The following ZNF507 variants were observed in gnomAD, a reference collection of about 807,000 sequenced individuals.
ZNF507 encodes the protein zinc finger protein 507.
In ZNF507, 29 loss-of-function variants were observed where a neutral mutation model predicts 80.0. The ratio of observed to expected loss-of-function variants is 0.36; its 90% CI spans 0.27 to 0.49. ZNF507 has a LOEUF of 0.49. ZNF507 is among the 20% of genes least tolerant of loss of function. The probability of loss-of-function intolerance (pLI) is 0.98; values close to 1 mark genes in which losing one functional copy is unlikely to be tolerated. For missense variants in ZNF507, 1,081 were observed against 1,152.2 expected, an observed-to-expected ratio of 0.94 and a Z score of 0.90; for synonymous variants, 462 against 422.5, an observed-to-expected ratio of 1.09 and a Z score of -1.15.
At position 32,355,207 on chromosome 19, in the gene ZNF507, T is replaced by TA. The variant is rs144702826; in HGVS notation, c.2127+253dup. Among the ~76,000 whole-genome samples the TA allele has an allele frequency of 1.6e-3, 250 of 152,340 alleles. 2 individuals are homozygous for TA. Among genetic ancestry groups the TA allele is most frequent in the African/African-American group, 5.9e-3 (244 of 41,580 alleles). ...CCTCTGTGTTTTAGTGTGTATAGTT[T>TA]AAAGTGTTGATTTTCTGTTGCAAGA... On this transcript the variant is annotated intron_variant, in intron 3 of 6. Coordinates refer to ENST00000355898, the MANE Select transcript of ZNF507 (RefSeq NM_001136156.2).
intron 3 of ZNF507, 60 bp from the exon 4 acceptor site, chr19:32,356,556 C>T (rs982313278): frequency 1.5e-5 from 18 of 1,200,658 alleles, no homozygotes; most frequent in Non-Finnish European, 1.8e-5. Context: ...TCTTCTACAG[C>T]CTCCTAAGAG....
rs543357714 is a variant in ZNF507, at chr19:32,383,834, C to T, written c.*751C>T. ...ATCTCAATTCGTAGTAATGCTAAATCGTCTTCCGTGTTCTCAGAGGTTCTT... is the reference window on the plus strand; with the variant it reads ...ATCTCAATTCGTAGTAATGCTAAATTGTCTTCCGTGTTCTCAGAGGTTCTT... On this transcript the variant is annotated 3_prime_UTR_variant, in exon 7 of 7. Transcript: ENST00000355898. The T allele has an allele frequency of 7.6e-4, 115 of 152,274 alleles. No individual in the cohort carries two copies. Among genetic ancestry groups the T allele is most frequent in the African/African-American group, 2.2e-3 (91 of 41,552 alleles). The allele number at this position is 152,274 out of a possible 1,614,324, so 9.4% of individuals were successfully genotyped here. A position where few individuals can be genotyped will look rare whatever the true frequency, so the allele number is the denominator to read the frequency against.
intron 5 of ZNF507, among the ~76,000 whole-genome samples, chr19:32,374,188 A>ACACACACACACACACACACACT (rs57164942): frequency 2.1e-5 from 3 of 145,724 alleles, no homozygotes; most frequent in African/African-American, 7.6e-5. Context: ...ACACACACAC[A>ACACACACACACACACACACACT]CTCTCTCTCT....
intron 2 of ZNF507, among the ~76,000 whole-genome samples, chr19:32,351,471 G>GTGTGTGTGTGTGTGT (rs56408758): frequency 2.4e-5 from 3 of 123,258 alleles, no homozygotes; most frequent in Non-Finnish European, 3.4e-5. Context: ...GTGTGTGTGT[G>GTGTGTGTGTGTGTGT]GCGTGGGGGG....
At position 32,377,818 on chromosome 19, in the gene ZNF507, C is replaced by T. The variant is rs536628852; in HGVS notation, c.2361-4649C>T. Among the ~76,000 whole-genome samples the T allele has an allele frequency of 3.7e-4, 57 of 152,204 alleles. 1 individual carries two copies. Among genetic ancestry groups the T allele is most frequent in the African/African-American group, 4.8e-4 (20 of 41,520 alleles). On this transcript the variant is annotated intron_variant, in intron 5 of 6. Coordinates refer to ENST00000355898, the MANE Select transcript of ZNF507 (RefSeq NM_001136156.2). The stretch of plus-strand genomic sequence containing the variant: ...CTTCCCAGTGGTACACTTTGGAAAC[C>T]GGGTTGAGAAAGAGGAACTTGACCC...
Position 32,382,703 on chromosome 19 carries a change from GT to G in ZNF507, c.2496-10del. The G allele has an allele frequency of 6.2e-7, 1 of 1,609,866 alleles. No homozygotes were observed. Among genetic ancestry groups the G allele is most frequent in the Non-Finnish European group, 8.5e-7 (1 of 1,177,492 alleles). On this transcript the variant is annotated splice_polypyrimidine_tract_variant and intron_variant, in intron 6 of 6. Coordinates refer to ENST00000355898, the MANE Select transcript of ZNF507 (RefSeq NM_001136156.2). ...AGCCTCCTCACGGTGTGCTGTGTTT[GT>G]TTTGTTTTTAAGAGTTCTGGGGAAA... is the stretch of plus-strand genomic sequence containing the variant.
chr19:32,378,617 G>GTT (rs1207153091), intron 5 of ZNF507, among the ~76,000 whole-genome samples: 3 of 148,746 alleles, frequency 2.0e-5, no homozygotes, highest in Non-Finnish European at 3.0e-5. Flanking sequence ...ATCTATACCT[G>GTT]TAACTATTCT....
intron 5 of ZNF507, among the ~76,000 whole-genome samples, chr19:32,365,946 A>G (rs986177101): frequency 2.6e-5 from 4 of 152,268 alleles, no homozygotes; most frequent in East Asian, 1.9e-4. Flanking sequence ...GTCTGATTCT[A>G]TAAGCTTTTT....
intron 5 of ZNF507, among the ~76,000 whole-genome samples, chr19:32,381,194 T>G (rs79992202): frequency 0.012 from 1,862 of 152,262 alleles, 48 homozygotes; most frequent in African/African-American, 0.041. Flanking sequence ...AGATCAGTGG[T>G]TGCCCGGGAT....
chr19:32,377,417 T>A (rs1967565112), intron 5 of ZNF507, among the ~76,000 whole-genome samples: 1 of 152,190 alleles, frequency 6.6e-6, no homozygotes, highest in Non-Finnish European at 1.5e-5. Flanking sequence ...TTTTCCTAGG[T>A]TATGATTATA....
chr19:32,377,335 G>A (rs1264238536), intron 5 of ZNF507, among the ~76,000 whole-genome samples: 1 of 152,188 alleles, frequency 6.6e-6, no homozygotes, highest in African/African-American at 2.4e-5. Context: ...AGGCATAACA[G>A]AAGGCTCGCA....
chr19:32,359,515 A>G (rs1030338483), intron 4 of ZNF507: 1 of 152,206 alleles, frequency 6.6e-6, no homozygotes, highest in African/African-American at 2.4e-5. Flanking sequence ...CAGAGTGTGA[A>G]TAGCCTGTGG....
chr19:32,382,963 T>G lies in ZNF507; in HGVS notation c.2742T>G (p.Cys914Trp). ...ACTGCGTTTTACTCTTCTGCTGTTG[T>G]ATTTGTGGTTTTGAATCAACCAGCA... The part of the protein sequence containing the change: ...MEYCVLLFCC[C>W]ICGFESTSKE... Residue 914 changes from cysteine to tryptophan, a missense_variant, in exon 7 of 7, where the codon TGT (cysteine) becomes TGG (tryptophan). By Grantham distance (215) the Cys-to-Trp change is radical. Transcript: ENST00000355898. 6.2e-7 allele frequency: 1 copy of G among 1,614,208 alleles called. No homozygotes were observed. Among genetic ancestry groups the G allele is most frequent in the Non-Finnish European group, 8.5e-7 (1 of 1,180,026 alleles).
intron 5 of ZNF507, among the ~76,000 whole-genome samples, chr19:32,381,603 A>G (rs1967623639): frequency 6.6e-6 from 1 of 152,070 alleles, no homozygotes; most frequent in South Asian, 2.1e-4. Flanking sequence ...GCAAGACTCT[A>G]TCTCAAACAA....
At chr19:32,355,926 G>A (rs1967245114) in intron 3 of ZNF507, among the ~76,000 whole-genome samples, 2 of 152,104 alleles carry the variant, frequency 1.3e-5, no homozygotes, top group Admixed American at 1.3e-4. Context: ...CTGAACCTGG[G>A]AGGCGGAGCT....
At chr19:32,351,597 A>G (rs899968561) in intron 2 of ZNF507, among the ~76,000 whole-genome samples, 1 of 146,826 alleles carries the variant, frequency 6.8e-6, no homozygotes, top group African/African-American at 2.5e-5. Flanking sequence ...TTATATGTTG[A>G]TTCAACCATG....
intron 2 of ZNF507, among the ~76,000 whole-genome samples, chr19:32,349,721 G>A (rs918257128): frequency 6.6e-6 from 1 of 152,116 alleles, no homozygotes; most frequent in African/African-American, 2.4e-5. Flanking sequence ...GAAAGTTGAA[G>A]GATTGGCCTT....
chr19:32,360,701 C>A, intron 5 of ZNF507, 83 bp downstream of exon 5: 1 of 687,644 alleles, frequency 1.5e-6, no homozygotes, highest in Non-Finnish European at 2.2e-6. Flanking sequence ...AAATGTATAG[C>A]ACTTACTGAA....
chr19:32,360,475 C>A, intron 4 of ZNF507, 29 bp from the exon 5 acceptor site: 2 of 1,267,992 alleles, frequency 1.6e-6, no homozygotes, highest in Non-Finnish European at 2.2e-6. Flanking sequence ...TCAAAGCCTG[C>A]TACTAAAACT....
Sources: allele counts gnomAD v4.1 joint callset (sites outside exome capture counted in the v4.1 genomes callset), GRCh38; gene constraint gnomAD v4.1.1; transcripts MANE v1.5; gene names NCBI Gene and HGNC (gene_info 2026-07-23, HGNC 2026-07-21).